The following CCNH variants were observed in gnomAD, a reference collection of about 807,000 sequenced individuals.
The protein encoded by CCNH is cyclin-H.
In CCNH, 31 loss-of-function variants were observed where a neutral mutation model predicts 41.9. The observed-to-expected ratio is 0.74, with a 90% CI of 0.56 to 1.00. CCNH has a LOEUF of 1.00. CCNH is among the 50% of genes least tolerant of loss of function. The pLI is 0.00. For missense variants in CCNH, 362 were observed against 388.4 expected (o/e 0.93, Z 0.57); for synonymous variants, 138 against 136.1 (o/e 1.01, Z -0.10).
rs775380294 is a variant in CCNH at position 87,412,865 on chromosome 5, C to A, written c.-71G>T. 11 of 1,572,174 alleles carry A rather than the reference C, an allele frequency of 7.0e-6. No homozygotes were observed. Among genetic ancestry groups the A allele is most frequent in the Non-Finnish European group, 9.5e-6 (11 of 1,153,650 alleles). On this transcript the variant is annotated 5_prime_UTR_variant, in exon 1 of 9. Transcript: ENST00000256897. ...AACGCATCAGCGTCCTGGCGTAAAA[C>A]ACCCGTACCCCCACCGAAGATCTCG... is the stretch of plus-strand genomic sequence containing the variant.
chr5:87,361,899 A>G (rs2112454342), intron 9 of CCNH, among the ~76,000 whole-genome samples: 1 of 152,260 alleles, frequency 6.6e-6, no homozygotes, highest in East Asian at 1.9e-4. Context: ...TTTACCTTGA[A>G]AAAAGAGGTA....
intron 1 of CCNH, chr5:87,412,310 G>T: frequency 1.5e-6 from 1 of 686,948 alleles, no homozygotes; most frequent in South Asian, 3.8e-5. Flanking sequence ...CTGAACGGTG[G>T]TTCTGACTGC....
chr5:87,375,880 CT>C (rs555297763), downstream of CCNH, among the ~76,000 whole-genome samples: 66 of 152,314 alleles, frequency 4.3e-4, no homozygotes, highest in African/African-American at 1.6e-3. Context: ...TTTTCCATTA[CT>C]TTTACGATAA....
At chr5:87,403,759 G>C (rs1763587501) in intron 5 of CCNH, among the ~76,000 whole-genome samples, 1 of 152,144 alleles carries the variant, frequency 6.6e-6, no homozygotes, top group South Asian at 2.1e-4. Flanking sequence ...TCCAGCCTGG[G>C]TGAGAGTGAG....
chr5:87,412,293 T>C, intron 1 of CCNH: 2 of 493,806 alleles, frequency 4.1e-6, no homozygotes, highest in South Asian at 5.0e-5. Context: ...CTGACCTCCC[T>C]CCCACTCTGA....
At chr5:87,369,407 A>G (rs1760764089) in intron 9 of CCNH, among the ~76,000 whole-genome samples, 1 of 152,136 alleles carries the variant, frequency 6.6e-6, no homozygotes, top group African/African-American at 2.4e-5. Context: ...GAAAATACAG[A>G]ATCACCTACA....
intron 9 of CCNH, among the ~76,000 whole-genome samples, chr5:87,357,521 C>A (rs924339742): frequency 6.6e-6 from 1 of 151,936 alleles, no homozygotes; most frequent in African/African-American, 2.4e-5. Flanking sequence ...CTGGCTAACA[C>A]GGTGAAACCC....
At chr5:87,314,533 C>T (rs929808168), downstream of CCNH, among the ~76,000 whole-genome samples, 1 of 152,050 alleles carries the variant, frequency 6.6e-6, no homozygotes, top group Non-Finnish European at 1.5e-5. Flanking sequence ...ATGAGGGAAA[C>T]AGGTAGAGAA....
At chr5:87,406,962 T>C (rs185787679) in intron 4 of CCNH, among the ~76,000 whole-genome samples, 2 of 152,338 alleles carry the variant, frequency 1.3e-5, no homozygotes, top group Admixed American at 1.3e-4. Context: ...AGCTTCTCTT[T>C]GCTGTATTCA....
At chr5:87,389,411 G>A, downstream of CCNH, 11 of 1,614,114 alleles carry the variant, frequency 6.8e-6, no homozygotes, top group Non-Finnish European at 9.3e-6. Flanking sequence ...TGAACTTCCG[G>A]ACACTACAGA....
chr5:87,383,227 T>C (rs1761848080), intron 9 of CCNH, among the ~76,000 whole-genome samples: 3 of 152,186 alleles, frequency 2.0e-5, no homozygotes, highest in Non-Finnish European at 4.4e-5. Context: ...ACAAAATCAA[T>C]GCAACCAACT....
chr5:87,346,684 G>T, intron 9 of CCNH: 1 of 1,553,600 alleles, frequency 6.4e-7, no homozygotes, highest in Non-Finnish European at 8.9e-7. Flanking sequence ...GGTTCCATGG[G>T]AAGATTTCCA....
In CCNH at chr5:87,335,693, T is replaced by C. The variant is rs564062614; in HGVS notation, c.*91-16796A>G. On this transcript the variant is annotated intron_variant and NMD_transcript_variant, in intron 9 of 9. Transcript: ENST00000645953. Reference sequence around the variant, plus strand: ...TGCCCGCCTTGGCCTCCCAAAGTGCTGGGATTGCAGGCATGAGCCATCGTG... The same window carrying C: ...TGCCCGCCTTGGCCTCCCAAAGTGCCGGGATTGCAGGCATGAGCCATCGTG... Among the ~76,000 whole-genome samples, 240 of 152,298 alleles carry C rather than the reference T, an allele frequency of 1.6e-3. 1 individual carries two copies. The highest frequency in any genetic ancestry group is 6.8e-3 in the Middle Eastern group (2 of 294).
downstream of CCNH, chr5:87,393,739 C>T (rs1486546242): frequency 6.6e-6 from 1 of 152,154 alleles, no homozygotes; most frequent in Non-Finnish European, 1.5e-5. Context: ...GGCAGAGGAT[C>T]ACTAGAGCCT....
At chr5:87,400,967 T>G (rs1763362163) in intron 6 of CCNH, among the ~76,000 whole-genome samples, 2 of 152,174 alleles carry the variant, frequency 1.3e-5, no homozygotes, top group South Asian at 4.1e-4. Context: ...ACTAATGACT[T>G]TTTGGGCTGG....
intron 5 of CCNH, among the ~76,000 whole-genome samples, chr5:87,404,309 T>G (rs900068382): frequency 6.6e-6 from 1 of 152,226 alleles, no homozygotes; most frequent in African/African-American, 2.4e-5. Flanking sequence ...GATAAGGGAT[T>G]ATAATCATGT....
chr5:87,328,825 G>A (rs1226698102), intron 9 of CCNH, among the ~76,000 whole-genome samples: 5 of 152,100 alleles, frequency 3.3e-5, no homozygotes, highest in African/African-American at 1.2e-4. Flanking sequence ...GTGTTTAAAG[G>A]TTATATAGTA....
At chr5:87,349,443 A>C in intron 9 of CCNH, 1 of 1,489,478 alleles carries the variant, frequency 6.7e-7, no homozygotes, top group Non-Finnish European at 9.2e-7. Flanking sequence ...TCAGAGTCAA[A>C]ATTATATAAA....
chr5:87,339,788 G>A (rs145989609), intron 9 of CCNH, among the ~76,000 whole-genome samples: 27 of 152,186 alleles, frequency 1.8e-4, no homozygotes, highest in Middle Eastern at 3.4e-3. Context: ...GTAATTCCAC[G>A]TCATTTATAA....
Sources: gnomAD v4.1 joint callset for allele counts (sites outside exome capture counted in the v4.1 genomes callset) on GRCh38, gnomAD v4.1.1 for gene constraint, MANE v1.5 for transcripts, NCBI Gene and HGNC (gene_info 2026-07-23, HGNC 2026-07-21) for gene names.